AEN: variants seen among roughly 807,000 people sequenced by gnomAD.
AEN encodes apoptosis enhancing nuclease, also known as apoptosis-enhancing nuclease.
Under a neutral mutation model 17.7 loss-of-function variants are expected in AEN, and 21 were observed. That is an observed-to-expected ratio of 1.19 (90% confidence interval 0.84 to 1.71). The LOEUF (loss-of-function observed/expected upper bound fraction) is 1.71. Among genes scored for constraint, AEN ranks in the 40% most tolerant of loss-of-function variants. The pLI is 0.00. For synonymous variants in AEN, 190 were observed against 173.0 expected (o/e 1.10, Z -0.77); for missense variants, 462 against 435.9 (o/e 1.06, Z -0.53).
At chr15:88,626,807 TG>T in intron 2 of AEN, 58 bp downstream of exon 2, 1 of 1,537,166 alleles carries the variant, frequency 6.5e-7, no homozygotes, top group African/African-American at 1.4e-5. Context: ...AGAGCCACCC[TG>T]GGTTTGAATC....
chr15:88,608,892 A>G, the AEN span, among the ~76,000 whole-genome samples: 5 of 152,172 alleles, frequency 3.3e-5, no homozygotes, highest in African/African-American at 1.2e-4. Flanking sequence ...CCTTTGTTGC[A>G]CTGGCAATGG....
In AEN at chr15:88,626,591, G is replaced by A. The variant is rs139147493; in HGVS notation, c.382G>A (p.Glu128Lys). 41 of 1,614,122 alleles carry A rather than the reference G, an allele frequency of 2.5e-5. No individual in the cohort carries two copies. The highest frequency in any genetic ancestry group is 1.7e-4 in the African/African-American group (13 of 75,080). The stretch of plus-strand genomic sequence containing the variant: ...CACGGGACCCCGAGGGCGGGTAAGC[G>A]AGCTGGCCCGCTGTTCCATTGTGAG... ...VGTGPRGRVS[E>K]LARCSIVSYH... Residue 128 changes from glutamate to lysine, a missense_variant, in exon 2 of 4, where the codon GAG (glutamate) becomes AAG (lysine). Coordinates refer to ENST00000332810, the MANE Select transcript of AEN (RefSeq NM_022767.4).
In AEN at chr15:88,629,324, T is replaced by C; in HGVS notation, c.639T>C (p.Asp213=). ...KYVHPRSQTR[D]TTYVPNFLSE... is the part of the protein sequence containing the mutation. ...TCCACCCTCGGAGCCAGACCCGGGA[T>C]ACGACCTATGTCCCAAACTTCCTCA... The change falls in exon 3 of 4, where the codon GAT becomes GAC. Residue 213 remains aspartate (D), a synonymous_variant. Coordinates refer to ENST00000332810, the MANE Select transcript of AEN (RefSeq NM_022767.4). The C allele has an allele frequency of 6.2e-7, 1 of 1,614,098 alleles. No individual in the cohort carries two copies. The highest frequency in any genetic ancestry group is 8.5e-7 in the Non-Finnish European group (1 of 1,180,004).
At chr15:88,609,136 C>T in the AEN span, among the ~76,000 whole-genome samples, 1 of 152,170 alleles carries the variant, frequency 6.6e-6, no homozygotes, top group Non-Finnish European at 1.5e-5. Context: ...GCCTGATCAT[C>T]ACGGTGCTAT....
intron 1 of AEN, among the ~76,000 whole-genome samples, chr15:88,624,883 C>CAAAAAAAAAAAAAAAAA (rs10701067): frequency 6.7e-6 from 1 of 148,678 alleles, no homozygotes. Flanking sequence ...AACTCCGCCT[C>CAAAAAAAAAAAAAAAAA]AAAAAATGCC....
At chr15:88,611,155 G>A in the AEN span, among the ~76,000 whole-genome samples, 1 of 152,212 alleles carries the variant, frequency 6.6e-6, no homozygotes, top group Non-Finnish European at 1.5e-5. Context: ...CTTCCAGAAG[G>A]GGGAGGCACC....
In AEN at chr15:88,621,350, C is replaced by G. The variant is rs117218125; in HGVS notation, c.-97C>G. The G allele has an allele frequency of 0.021, 3,269 of 152,398 alleles. 70 individuals are homozygous for G. Among genetic ancestry groups the G allele is most frequent in the Non-Finnish European group, 0.029 (2,007 of 68,076 alleles). The allele number at this position is 152,398 out of a possible 1,614,324, so 9.4% of individuals were successfully genotyped here. On this transcript the variant is annotated 5_prime_UTR_variant, in exon 1 of 4. Transcript: ENST00000332810. Reference sequence around the variant, plus strand: ...GGAGCTGCCGGCTTTCCGGACGCCACGTGCAGACCGGAAGAGACACGCGGG... The same window carrying G: ...GGAGCTGCCGGCTTTCCGGACGCCAGGTGCAGACCGGAAGAGACACGCGGG...
chr15:88,607,141 C>G, the AEN span, among the ~76,000 whole-genome samples: 1 of 152,182 alleles, frequency 6.6e-6, no homozygotes, highest in South Asian at 2.1e-4. Context: ...TCACCTTGCC[C>G]CATAGACCAC....
At chr15:88,620,384 C>G (rs956833367), upstream of AEN, among the ~76,000 whole-genome samples, 3 of 151,996 alleles carry the variant, frequency 2.0e-5, no homozygotes, top group African/African-American at 7.2e-5. Context: ...TGTTATTACT[C>G]ATGTTACACT....
intron 1 of AEN, among the ~76,000 whole-genome samples, chr15:88,622,866 AG>A (rs35405505): frequency 6.6e-6 from 1 of 152,158 alleles, no homozygotes; most frequent in Non-Finnish European, 1.5e-5. Flanking sequence ...GAACAATATG[AG>A]GGGGAGGTCT....
Position 88,630,168 on chromosome 15 carries a change from C to A in AEN, c.852C>A (p.Cys284Ter). 6.2e-7 allele frequency: 1 copy of A among 1,613,818 alleles called. No individual in the cohort carries two copies. Among genetic ancestry groups the A allele is most frequent in the Non-Finnish European group, 8.5e-7 (1 of 1,179,918 alleles). ...EQQEARSLWT[C>*]PEDREPDSST... ...AGGAGGCCCGCAGCCTCTGGACCTG[C>A]CCCGAGGACAGAGAACCTGACAGCA... Residue 284 changes from cysteine to a stop codon, truncating the protein, a stop_gained, in exon 4 of 4, where the codon TGC (cysteine) becomes TGA (stop). Coordinates refer to ENST00000332810, the MANE Select transcript of AEN (RefSeq NM_022767.4). LOFTEE classifies it low-confidence loss of function (END_TRUNC). The surrounding 1 kb of genome is among the most constrained non-coding windows in gnomAD (Gnocchi z 5.1).
rs1453128955 is a variant in AEN at position 88,626,407 on chromosome 15, C to G, written c.198C>G (p.Thr66=). The change falls in exon 2 of 4, where the codon ACC becomes ACG. Residue 66 remains threonine (T), a synonymous_variant. Transcript: ENST00000332810. ...PPEPGSSPLP[T]PFGAATATEA... is the part of the protein sequence containing the mutation. ...AACCAGGGTCCTCCCCACTGCCCAC[C>G]CCTTTCGGGGCAGCGACAGCAACTG... 3 of 1,612,756 alleles carry G rather than the reference C, an allele frequency of 1.9e-6. No homozygotes were observed. Among genetic ancestry groups the G allele is most frequent in the South Asian group, 1.1e-5 (1 of 90,992 alleles).
chr15:88,629,191 G>C lies in AEN; in HGVS notation c.541-35G>C, dbSNP rs766875494. On this transcript the variant is annotated intron_variant, in intron 2 of 3. Transcript: ENST00000332810. ...GTCTCCTGCCAACCTGATGGGGTGT[G>C]GGGTGACCTCCCTGACTCCTCTTTC... The C allele has an allele frequency of 1.9e-6, 3 of 1,608,784 alleles. No individual in the cohort carries two copies. In the East Asian group the frequency reaches 6.7e-5, roughly 36 times the overall value.
chr15:88,624,954 A>G (rs1434864799), intron 1 of AEN, among the ~76,000 whole-genome samples: 1 of 152,184 alleles, frequency 6.6e-6, no homozygotes, highest in African/African-American at 2.4e-5. Flanking sequence ...TTAAAAATGT[A>G]CTGACTGACT....
upstream of AEN, among the ~76,000 whole-genome samples, chr15:88,618,913 C>G (rs1381574241): frequency 6.6e-6 from 1 of 152,136 alleles, no homozygotes; most frequent in African/African-American, 2.4e-5. Flanking sequence ...CTCAAGGGAT[C>G]CTCCCACTTC....
chr15:88,631,210 C>T lies in AEN; in HGVS notation c.*916C>T. 2.2e-6 allele frequency: 1 copy of T among 455,964 alleles called. No homozygotes were observed. The highest frequency in any genetic ancestry group is 4.4e-6 in the Non-Finnish European group (1 of 226,520). 28.2% of individuals were successfully genotyped at this position (455,964 alleles called of 1,614,324 possible). A position where few individuals can be genotyped will look rare whatever the true frequency, so the allele number is the denominator to read the frequency against. ...CTGACCTTTATTTATTTATTAACAGCAGGGCCACTCGTCTAGGGCAGTGGA... is the reference window on the plus strand; with the variant it reads ...CTGACCTTTATTTATTTATTAACAGTAGGGCCACTCGTCTAGGGCAGTGGA... On this transcript the variant is annotated 3_prime_UTR_variant, in exon 4 of 4. Transcript: ENST00000332810.
chr15:88,621,183 C>T (rs555777931), upstream of AEN: 1 of 152,346 alleles, frequency 6.6e-6, no homozygotes, highest in Non-Finnish European at 1.5e-5. Context: ...GTTACGCCCT[C>T]TTCAGGAGTC....
chr15:88,627,893 C>T (rs774249261), intron 2 of AEN: 1 of 152,216 alleles, frequency 6.6e-6, no homozygotes. Flanking sequence ...AGCCTTGTAA[C>T]AGAACCACTT....
At position 88,631,181 on chromosome 15, in the gene AEN, G is replaced by T. The variant is rs1215666384; in HGVS notation, c.*887G>T. 6.6e-6 allele frequency: 3 copies of T among 456,614 alleles called. No individual in the cohort carries two copies. The allele number at this position is 456,614 out of a possible 1,614,324, so 28.3% of individuals were successfully genotyped here. On this transcript the variant is annotated 3_prime_UTR_variant, in exon 4 of 4. Coordinates refer to ENST00000332810, the MANE Select transcript of AEN (RefSeq NM_022767.4). Reference sequence around the variant, plus strand: ...AATTCTGGGGCCTTTGTGTAGGATTGTGCCTGACCTTTATTTATTTATTAA... The same window carrying T: ...AATTCTGGGGCCTTTGTGTAGGATTTTGCCTGACCTTTATTTATTTATTAA...
Sources: gnomAD v4.1 joint callset for allele counts (sites outside exome capture counted in the v4.1 genomes callset) on GRCh38, gnomAD v4.1.1 for gene constraint, Gnocchi (gnomAD v3.1) non-coding constraint, MANE v1.5 for transcripts, NCBI Gene and HGNC (gene_info 2026-07-23, HGNC 2026-07-21) for gene names.